Variants in SH3RF3 observed in about 807,000 individuals in gnomAD.
SH3RF3 encodes SH3 domain containing ring finger 3.
Under a neutral mutation model 66.3 loss-of-function variants are expected in SH3RF3, and 29 were observed. That is an observed-to-expected ratio of 0.44 (90% CI 0.33 to 0.60). The LOEUF (loss-of-function observed/expected upper bound fraction) is 0.60. SH3RF3 is among the 20% of genes least tolerant of loss of function. SH3RF3 has a pLI of 0.04. For missense variants in SH3RF3, 1,194 were observed against 1,190.9 expected (o/e 1.00, Z -0.04); for synonymous variants, 583 against 532.0 (o/e 1.10, Z -1.32).
chr2:109,194,002 A>G (rs553853581), intron 1 of SH3RF3, among the ~76,000 whole-genome samples: 1 of 152,350 alleles, frequency 6.6e-6, no homozygotes, highest in East Asian at 1.9e-4. Context: ...TGACTGCTGA[A>G]AATAAACTTT....
chr2:109,264,756 G>C (rs996862181), intron 1 of SH3RF3, among the ~76,000 whole-genome samples: 2 of 152,142 alleles, frequency 1.3e-5, no homozygotes, highest in African/African-American at 2.4e-5. Flanking sequence ...CCCACTGGGC[G>C]GGCATCTCAT....
At chr2:109,177,297 A>G (rs953255801) in intron 1 of SH3RF3, among the ~76,000 whole-genome samples, 2 of 152,198 alleles carry the variant, frequency 1.3e-5, no homozygotes, top group African/African-American at 2.4e-5. Flanking sequence ...AAGGAGCCCA[A>G]TGCATGGTGA....
In SH3RF3 at chr2:109,298,515, A is replaced by T. The variant is rs867015010; in HGVS notation, c.574-49159A>T. 1.1e-4 allele frequency among the ~76,000 whole-genome samples: 17 copies of T among 152,220 alleles called. No individual in the cohort carries two copies. In the South Asian group the frequency reaches 2.7e-3, roughly 24 times the overall value. On this transcript the variant is annotated intron_variant, in intron 1 of 9. Transcript: ENST00000309415. ...GGGATGATTTAGGTCACTTTGCTCCAGGTGGTGAGCCCCACCCTGACCTTG... is the reference window on the plus strand; with the variant it reads ...GGGATGATTTAGGTCACTTTGCTCCTGGTGGTGAGCCCCACCCTGACCTTG...
rs1245580299 is a variant in SH3RF3, at chr2:109,129,547, C to T, written c.7C>T (p.Leu3Phe). The stretch of plus-strand genomic sequence containing the variant: ...CGCTGCGGGCGCCTCCCCCATGCTG[C>T]TCGGAGCGTCCTGGCTGTGCGCATC... Reference protein sequence around the residue: MLLGASWLCASKA... With the variant: MLFGASWLCASKA... The change falls in exon 1 of 10, where the codon CTC (leucine) becomes TTC (phenylalanine). Residue 3 changes from leucine to phenylalanine, a missense_variant. By Grantham distance (22) the Leu-to-Phe change is conservative. Coordinates refer to ENST00000309415, the MANE Select transcript of SH3RF3 (RefSeq NM_001099289.3). 3.3e-6 allele frequency: 5 copies of T among 1,495,912 alleles called. No individual in the cohort carries two copies. The highest frequency in any genetic ancestry group is 2.2e-5 in the Admixed American group (1 of 46,508). The allele number at this position is 1,495,912 out of a possible 1,614,324, so 92.7% of individuals were successfully genotyped here. A position where few individuals can be genotyped will look rare whatever the true frequency, so the allele number is the denominator to read the frequency against.
intron 9 of SH3RF3, among the ~76,000 whole-genome samples, chr2:109,495,113 A>G (rs1679225158): frequency 6.6e-6 from 1 of 152,236 alleles, no homozygotes; most frequent in African/African-American, 2.4e-5. Context: ...TCCTTCCAAG[A>G]GGACCTCATC....
intron 1 of SH3RF3, among the ~76,000 whole-genome samples, chr2:109,201,084 C>G (rs1678660758): frequency 6.6e-6 from 1 of 152,210 alleles, no homozygotes; most frequent in Non-Finnish European, 1.5e-5. Flanking sequence ...CTCAGGGACT[C>G]TCAGTTCTCT....
intron 1 of SH3RF3, among the ~76,000 whole-genome samples, chr2:109,206,514 A>AAAAAAAAC (rs1678843002): frequency 6.7e-6 from 1 of 149,784 alleles, no homozygotes; most frequent in African/African-American, 2.5e-5. Flanking sequence ...AAAAAAAAAA[A>AAAAAAAAC]AGAATTAGAG....
Position 109,502,633 on chromosome 2 carries a change from C to A in SH3RF3, c.*962C>A, listed in dbSNP as rs1183775657. 1.3e-5 allele frequency: 2 copies of A among 152,134 alleles called. No individual in the cohort carries two copies. Among genetic ancestry groups the A allele is most frequent in the African/African-American group, 2.4e-5 (1 of 41,426 alleles). The allele number at this position is 152,134 out of a possible 1,614,324, so 9.4% of individuals were successfully genotyped here. ...AGCAGCCGGTTTCTTTAAACTCTTA[C>A]CAAAACCCCGCGCTCTGTCTAGACG... On this transcript the variant is annotated 3_prime_UTR_variant, in exon 10 of 10. Coordinates refer to ENST00000309415, the MANE Select transcript of SH3RF3 (RefSeq NM_001099289.3).
chr2:109,411,007 G>A (rs1185967955), intron 4 of SH3RF3, among the ~76,000 whole-genome samples: 2 of 152,124 alleles, frequency 1.3e-5, no homozygotes, highest in Non-Finnish European at 2.9e-5. Context: ...ATCCCTTAAG[G>A]CCTAGAATCA....
At chr2:109,221,022 A>AG (rs1491364283) in intron 1 of SH3RF3, among the ~76,000 whole-genome samples, 1 of 148,882 alleles carries the variant, frequency 6.7e-6, no homozygotes, top group Non-Finnish European at 1.5e-5. Context: ...GACAGATGAC[A>AG]GGGTAAACAA....
At chr2:109,346,835 G>C (rs528994431) in intron 1 of SH3RF3, among the ~76,000 whole-genome samples, 2 of 152,334 alleles carry the variant, frequency 1.3e-5, no homozygotes, top group African/African-American at 4.8e-5. Context: ...GAACATCACT[G>C]TTAGGAGGAT....
At chr2:109,342,789 C>T (rs993954385) in intron 1 of SH3RF3, among the ~76,000 whole-genome samples, 3 of 152,172 alleles carry the variant, frequency 2.0e-5, no homozygotes, top group Admixed American at 6.5e-5. Flanking sequence ...GCCATCTCCA[C>T]GGGTAGGACA....
intron 4 of SH3RF3, among the ~76,000 whole-genome samples, chr2:109,400,005 C>A (rs1676261344): frequency 6.6e-6 from 1 of 152,066 alleles, no homozygotes; most frequent in Non-Finnish European, 1.5e-5. Flanking sequence ...CTGCCCTGGA[C>A]AGGCCTCAGA....
rs528327945 is a variant in SH3RF3, at chr2:109,321,133, CAAG to C, written c.574-26539_574-26537del. ...CATGGAAGAAAGACTCACGGACACA[CAAG>C]ACGCCATGTGCATGGATGCACCTCT... On this transcript the variant is annotated intron_variant, in intron 1 of 9. Transcript: ENST00000309415. 1.1e-3 allele frequency among the ~76,000 whole-genome samples: 171 copies of C among 152,360 alleles called. 1 individual carries two copies. Among genetic ancestry groups the C allele is most frequent in the African/African-American group, 3.9e-3 (161 of 41,594 alleles).
In SH3RF3 at chr2:109,457,632, G is replaced by A. The variant is rs116508549; in HGVS notation, c.2148+8143G>A. 7.7e-3 allele frequency among the ~76,000 whole-genome samples: 1,172 copies of A among 152,342 alleles called. 11 individuals carry two copies. Among genetic ancestry groups the A allele is most frequent in the Non-Finnish European group, 0.011 (762 of 68,030 alleles). On this transcript the variant is annotated intron_variant, in intron 8 of 9. Transcript: ENST00000309415. ...CGATGCACACACTGCATGGCCGGGA[G>A]CCCCGGCACAACTCAATTCCCACAT...
At chr2:109,220,283 G>C (rs1679200330) in intron 1 of SH3RF3, among the ~76,000 whole-genome samples, 1 of 152,100 alleles carries the variant, frequency 6.6e-6, no homozygotes, top group South Asian at 2.1e-4. Context: ...CTCAAAATGG[G>C]TTAAAGATCT....
At chr2:109,202,400 C>T (rs1678697279) in intron 1 of SH3RF3, among the ~76,000 whole-genome samples, 1 of 152,136 alleles carries the variant, frequency 6.6e-6, no homozygotes, top group Non-Finnish European at 1.5e-5. Context: ...CACCTAATTG[C>T]CCGAACTTAA....
chr2:109,224,158 C>T (rs1310402632), intron 1 of SH3RF3, among the ~76,000 whole-genome samples: 1 of 152,046 alleles, frequency 6.6e-6, no homozygotes, highest in Admixed American at 6.5e-5. Flanking sequence ...GCTTGGCAGG[C>T]CTAGAGAGTG....
intron 3 of SH3RF3, 75 bp downstream of exon 3, chr2:109,371,756 C>A: frequency 8.0e-7 from 1 of 1,255,298 alleles, no homozygotes; most frequent in Non-Finnish European, 1.1e-6. Flanking sequence ...GTCACCTGAC[C>A]TTCAAGCCCC....
Sources: allele counts gnomAD v4.1 joint callset (sites outside exome capture counted in the v4.1 genomes callset), GRCh38; gene constraint gnomAD v4.1.1; transcripts MANE v1.5; gene names NCBI Gene and HGNC (gene_info 2026-07-23, HGNC 2026-07-21).